AP4E1: variants seen among roughly 807,000 people sequenced by gnomAD.
AP4E1 encodes the protein AP-4 complex subunit epsilon-1.
A neutral mutation model predicts 128.2 loss-of-function variants in AP4E1; 56 were observed. The observed-to-expected ratio is 0.44, with a 90% CI of 0.35 to 0.55. The LOEUF is 0.55. Ranked by LOEUF, AP4E1 falls within the 20% of genes least tolerant of loss-of-function variation. The pLI, the probability that AP4E1 is intolerant of heterozygous loss-of-function variation, is 0.00. For missense variants in AP4E1, 1,324 were observed against 1,307.7 expected (o/e 1.01, Z -0.19); for synonymous variants, 484 against 473.1 (o/e 1.02, Z -0.30).
At chr15:50,971,739 T>A (rs1273469068) in intron 15 of AP4E1, among the ~76,000 whole-genome samples, 1 of 152,164 alleles carries the variant, frequency 6.6e-6, no homozygotes, top group African/African-American at 2.4e-5. Flanking sequence ...GTTGAAGCTC[T>A]TATGTGTATA....
At chr15:50,961,528 C>T (rs952519457) in intron 14 of AP4E1, among the ~76,000 whole-genome samples, 2 of 151,886 alleles carry the variant, frequency 1.3e-5, no homozygotes, top group African/African-American at 4.8e-5. Context: ...TCAATAGATG[C>T]AGAGAATTCA....
At chr15:50,920,110 CTTTTTTTTT>C (rs34342608) in intron 3 of AP4E1, among the ~76,000 whole-genome samples, 1 of 50,120 alleles carries the variant, frequency 2.0e-5, no homozygotes, top group African/African-American at 7.8e-5. Context: ...AAATTTATGC[CTTTTTTTTT>C]TTTTTTTTTT....
At chr15:50,929,240 C>A (rs2063803322) in intron 6 of AP4E1, 72 bp downstream of exon 6, 1 of 1,505,926 alleles carries the variant, frequency 6.6e-7, no homozygotes, top group Non-Finnish European at 9.1e-7. Context: ...TAAAAAGAAA[C>A]AGATATTTTG....
chr15:50,948,165 C>T lies in AP4E1; in HGVS notation c.1316+6C>T, dbSNP rs1353041999. The T allele has an allele frequency of 4.3e-6, 7 of 1,613,584 alleles. No homozygotes were observed. Among genetic ancestry groups the T allele is most frequent in the Non-Finnish European group, 5.9e-6 (7 of 1,179,818 alleles). On this transcript the variant is annotated splice_donor_region_variant and intron_variant, in intron 11 of 20. Transcript: ENST00000261842. ...ATAGCAGAGCTGGCTGAGAAATATC[C>T]TTTTATTTCGACCATGAGTCTTAAA...
In AP4E1 at chr15:51,002,485, CTTTTG is replaced by C. The variant is rs1465935177; in HGVS notation, c.3254-7_3254-3del. 1.8e-5 allele frequency: 29 copies of C among 1,613,644 alleles called. No individual in the cohort carries two copies. Among genetic ancestry groups the C allele is most frequent in the Non-Finnish European group, 2.4e-5 (28 of 1,179,804 alleles). On this transcript the variant is annotated splice_polypyrimidine_tract_variant and intron_variant, in intron 20 of 20. Coordinates refer to ENST00000261842, the MANE Select transcript of AP4E1 (RefSeq NM_007347.5). ...TCCTTTTGCATTAAATCATTTTTCA[CTTTTG>C]TTTTGTTTTAGGCAATGAAGGGCTA...
Position 51,001,075 on chromosome 15 carries a change from G to T in AP4E1, c.3145G>T (p.Ala1049Ser), listed in dbSNP as rs553012196. ...DDFGKLWLSF[A>S]NDVKQNVKMS... ...CTTTGGGAAACTCTGGTTATCCTTCGCAAATGATGTGAAACAAAATGTAAA... is the reference window on the plus strand; with the variant it reads ...CTTTGGGAAACTCTGGTTATCCTTCTCAAATGATGTGAAACAAAATGTAAA... The change falls in exon 20 of 21, where the codon GCA (alanine) becomes TCA (serine). Residue 1049 changes from alanine to serine, a missense_variant. Physicochemically the swap from Ala to Ser is moderately conservative, Grantham distance 99. Coordinates refer to ENST00000261842, the MANE Select transcript of AP4E1 (RefSeq NM_007347.5). 1.9e-6 allele frequency: 3 copies of T among 1,613,250 alleles called. No homozygotes were observed. In the East Asian group the frequency reaches 6.7e-5, roughly 36 times the overall value.
At chr15:50,921,921 A>G (rs1361366030) in intron 3 of AP4E1, among the ~76,000 whole-genome samples, 1 of 151,980 alleles carries the variant, frequency 6.6e-6, no homozygotes, top group African/African-American at 2.4e-5. Context: ...TTTCATTGAG[A>G]TGGTCTTTGG....
In AP4E1 at chr15:50,908,722, T is replaced by A. The variant is rs1474922901; in HGVS notation, c.-57T>A. 3 of 1,438,464 alleles carry A rather than the reference T, an allele frequency of 2.1e-6. No homozygotes were observed. Among genetic ancestry groups the A allele is most frequent in the East Asian group, 5.8e-5 (2 of 34,710 alleles). 89.1% of individuals were successfully genotyped at this position (1,438,464 alleles called of 1,614,324 possible). On this transcript the variant is annotated 5_prime_UTR_variant, in exon 1 of 21. The change abolishes an upstream ATG in the 5' untranslated region. Coordinates refer to ENST00000261842, the MANE Select transcript of AP4E1 (RefSeq NM_007347.5). ...CCGGGCCGGCAGCGGCGGCCGGGCA[T>A]GAAGCCGGGCGGCTACGGGATCGCG...
chr15:51,002,652 A>G lies in AP4E1; in HGVS notation c.3404A>G (p.Glu1135Gly), dbSNP rs1229386114. The change falls in exon 21 of 21, where the codon GAG becomes GGG. Residue 1135 changes from glutamate (E) to glycine (G), a missense_variant. Glu to Gly is a moderately conservative substitution (Grantham distance 98, BLOSUM62 -2). Coordinates refer to ENST00000261842, the MANE Select transcript of AP4E1 (RefSeq NM_007347.5). ...CTGTATCAGTGTCAAAAGGTGATGG[A>G]GGGATCCTAGCAGAAGCCCTGCTAA... Reference protein sequence around the residue: ...YLLYQCQKVMEGS With the variant: ...YLLYQCQKVMGGS 6.2e-7 allele frequency: 1 copy of G among 1,614,080 alleles called. No individual in the cohort carries two copies. The highest frequency in any genetic ancestry group is 2.2e-5 in the East Asian group (1 of 44,872).
intron 7 of AP4E1, among the ~76,000 whole-genome samples, chr15:50,931,822 A>T (rs538833096): frequency 5.3e-5 from 8 of 152,162 alleles, no homozygotes; most frequent in Non-Finnish European, 1.0e-4. Context: ...GCATTTGGCC[A>T]GATTAGGCCT....
chr15:50,971,995 T>A (rs1488120828), intron 15 of AP4E1, among the ~76,000 whole-genome samples: 6 of 152,214 alleles, frequency 3.9e-5, no homozygotes, highest in African/African-American at 1.4e-4. Context: ...ATTATTTTCC[T>A]TTGGTAGTGA....
At chr15:50,977,286 A>G (rs2064564906) in intron 15 of AP4E1, among the ~76,000 whole-genome samples, 1 of 152,162 alleles carries the variant, frequency 6.6e-6, no homozygotes. Context: ...TATAATAGGG[A>G]GACTATTTCC....
At chr15:50,951,253 G>T (rs757704839) in intron 13 of AP4E1, among the ~76,000 whole-genome samples, 9 of 152,220 alleles carry the variant, frequency 5.9e-5, no homozygotes, top group Non-Finnish European at 1.0e-4. Context: ...TTTCGAGCTC[G>T]TGTGGTTGTT....
In AP4E1 at chr15:50,941,749, C is replaced by T. The variant is rs1439962718; in HGVS notation, c.1150C>T (p.His384Tyr). 4 of 1,610,634 alleles carry T rather than the reference C, an allele frequency of 2.5e-6. No individual in the cohort carries two copies. Among genetic ancestry groups the T allele is most frequent in the Non-Finnish European group, 2.5e-6 (3 of 1,177,136 alleles). Residue 384 changes from histidine to tyrosine, a missense_variant, in exon 10 of 21, where the codon CAT becomes TAT. By Grantham distance (83) the His-to-Tyr change is moderately conservative. Coordinates refer to ENST00000261842, the MANE Select transcript of AP4E1 (RefSeq NM_007347.5). ...HQMTIIECLD[H>Y]PDPIIKRETL... ...GATGACAATAATTGAATGTTTAGAT[C>T]ATCCTGATCCCATTATTAAAAGAGA...
Position 50,993,567 on chromosome 15 carries a change from A to G in AP4E1, c.2288A>G (p.Lys763Arg), listed in dbSNP as rs1368742032. ...ACCCAATCTAAAGAGGAGAAAGAAA[A>G]GCAGCTGCTGGCATCATCATTATTT... The part of the protein sequence containing the change: ...VLTQSKEEKE[K>R]QLLASSLFVG... Residue 763 changes from lysine to arginine, a missense_variant, in exon 17 of 21, where the codon AAG (lysine) becomes AGG (arginine). Lys to Arg is a conservative substitution (Grantham distance 26). Coordinates refer to ENST00000261842, the MANE Select transcript of AP4E1 (RefSeq NM_007347.5). 1.2e-6 allele frequency: 2 copies of G among 1,614,090 alleles called. No individual in the cohort carries two copies. Among genetic ancestry groups the G allele is most frequent in the East Asian group, 2.2e-5 (1 of 44,868 alleles).
At chr15:50,932,685 A>C (rs1002686490) in intron 7 of AP4E1, among the ~76,000 whole-genome samples, 4 of 152,200 alleles carry the variant, frequency 2.6e-5, no homozygotes, top group African/African-American at 9.6e-5. Flanking sequence ...TTTTGCTTCT[A>C]GAAATCAACT....
intron 1 of AP4E1, among the ~76,000 whole-genome samples, chr15:50,911,502 A>G (rs1367169190): frequency 1.8e-5 from 2 of 110,852 alleles, no homozygotes; most frequent in Non-Finnish European, 3.7e-5. Context: ...TTTTTTTTTT[A>G]GATGGAGTCT....
At chr15:50,982,004 G>A (rs756167971) in intron 15 of AP4E1, among the ~76,000 whole-genome samples, 4 of 142,004 alleles carry the variant, frequency 2.8e-5, no homozygotes, top group Middle Eastern at 3.6e-3. Flanking sequence ...AGAATCGCTT[G>A]AACACGGGAG....
chr15:50,975,215 G>T (rs2064535523), intron 15 of AP4E1, among the ~76,000 whole-genome samples: 1 of 152,176 alleles, frequency 6.6e-6, no homozygotes, highest in South Asian at 2.1e-4. Context: ...AGACCAGCCA[G>T]ACCAACATGG....
Sources: gnomAD v4.1 joint callset for allele counts (sites outside exome capture counted in the v4.1 genomes callset) on GRCh38, gnomAD v4.1.1 for gene constraint, MANE v1.5 for transcripts, NCBI Gene and HGNC (gene_info 2026-07-23, HGNC 2026-07-21) for gene names.